The following NXPH1 variants were observed in gnomAD, a reference collection of about 807,000 sequenced individuals.
NXPH1 encodes neurexophilin 1, also known as neurexophilin-1.
Under a neutral mutation model 23.7 loss-of-function variants are expected in NXPH1, and 5 were observed. The observed-to-expected ratio is 0.21, with a 90% confidence interval of 0.11 to 0.44. The LOEUF (loss-of-function observed/expected upper bound fraction) is 0.44. Ranked by LOEUF, NXPH1 falls within the 20% of genes least tolerant of loss-of-function variation. The probability of loss-of-function intolerance (pLI) is 0.99; values close to 1 mark genes in which losing one functional copy is unlikely to be tolerated. For synonymous variants in NXPH1, 144 were observed against 122.2 expected (o/e 1.18, Z -1.18); for missense variants, 324 against 321.6 (o/e 1.01, Z -0.06).
chr7:8,486,263 C>A (rs762809082), intron 2 of NXPH1, among the ~76,000 whole-genome samples: 4 of 152,088 alleles, frequency 2.6e-5, no homozygotes, highest in Admixed American at 1.3e-4. Flanking sequence ...GTAGGAAGAC[C>A]TAGAGGAGTA....
chr7:8,732,489 G>A (rs1310545173), intron 2 of NXPH1, among the ~76,000 whole-genome samples: 1 of 152,178 alleles, frequency 6.6e-6, no homozygotes, highest in Non-Finnish European at 1.5e-5. Flanking sequence ...ACTAATTCAG[G>A]TAGAAAGAAG....
intron 2 of NXPH1, among the ~76,000 whole-genome samples, chr7:8,747,394 C>T (rs965699895): frequency 1.3e-5 from 2 of 152,198 alleles, no homozygotes; most frequent in East Asian, 3.8e-4. Flanking sequence ...ATATTCACTA[C>T]TTCCACAAGT....
intron 2 of NXPH1, among the ~76,000 whole-genome samples, chr7:8,608,961 T>A (rs1562424223): frequency 6.6e-6 from 1 of 152,148 alleles, no homozygotes; most frequent in Non-Finnish European, 1.5e-5. Flanking sequence ...ATGTCATTGA[T>A]AGGTTCTTGG....
chr7:8,482,635 T>A (rs559242656), intron 2 of NXPH1, among the ~76,000 whole-genome samples: 2 of 152,300 alleles, frequency 1.3e-5, no homozygotes, highest in East Asian at 3.9e-4. Context: ...CATTTCTCCC[T>A]CCTGTACAAA....
At chr7:8,536,930 T>C (rs1481115360) in intron 2 of NXPH1, among the ~76,000 whole-genome samples, 8 of 151,968 alleles carry the variant, frequency 5.3e-5, no homozygotes, top group Non-Finnish European at 8.8e-5. Context: ...TGGCAAGCCT[T>C]GATGGTGGCC....
intron 2 of NXPH1, among the ~76,000 whole-genome samples, chr7:8,439,275 T>C (rs1034067387): frequency 1.3e-5 from 2 of 152,192 alleles, no homozygotes; most frequent in Non-Finnish European, 2.9e-5. Flanking sequence ...TTCCTTGCTC[T>C]GAAGAGTGGG....
At chr7:8,595,314 G>A (rs192727619) in intron 2 of NXPH1, among the ~76,000 whole-genome samples, 16 of 152,104 alleles carry the variant, frequency 1.1e-4, no homozygotes, top group Admixed American at 9.8e-4. Flanking sequence ...ATTTAAAGAA[G>A]TCATGTAATG....
chr7:8,639,574 A>C (rs1302602689), intron 2 of NXPH1, among the ~76,000 whole-genome samples: 1 of 152,096 alleles, frequency 6.6e-6, no homozygotes, highest in African/African-American at 2.4e-5. Context: ...AGTGAGGCTG[A>C]GCATCTTTTT....
At chr7:8,745,034 G>T (rs1471230919) in intron 2 of NXPH1, among the ~76,000 whole-genome samples, 6 of 152,182 alleles carry the variant, frequency 3.9e-5, no homozygotes, top group Non-Finnish European at 8.8e-5. Context: ...AAAATGAAAT[G>T]TAGTGACTCC....
At chr7:8,625,965 A>C (rs1819978094) in intron 2 of NXPH1, among the ~76,000 whole-genome samples, 1 of 152,136 alleles carries the variant, frequency 6.6e-6, no homozygotes, top group Admixed American at 6.6e-5. Context: ...TCAATTAGTT[A>C]TATAATCTTT....
At chr7:8,470,620 A>G (rs1391202595) in intron 2 of NXPH1, among the ~76,000 whole-genome samples, 2 of 152,186 alleles carry the variant, frequency 1.3e-5, no homozygotes, top group Admixed American at 1.3e-4. Flanking sequence ...TCAGACCTTT[A>G]CTGGAAGTTC....
At chr7:8,708,871 A>G (rs966616448) in intron 2 of NXPH1, among the ~76,000 whole-genome samples, 1 of 152,116 alleles carries the variant, frequency 6.6e-6, no homozygotes, top group Admixed American at 6.5e-5. Flanking sequence ...TGCCGACAAT[A>G]CCCAAGAGCT....
chr7:8,677,391 G>A (rs1820967174), intron 2 of NXPH1, among the ~76,000 whole-genome samples: 1 of 152,188 alleles, frequency 6.6e-6, no homozygotes, highest in Non-Finnish European at 1.5e-5. Flanking sequence ...GTATTTAGAA[G>A]TGCATTTAAG....
At chr7:8,482,799 G>A (rs1462923854) in intron 2 of NXPH1, among the ~76,000 whole-genome samples, 3 of 152,200 alleles carry the variant, frequency 2.0e-5, no homozygotes, top group Non-Finnish European at 4.4e-5. Flanking sequence ...TGGCCCAAGA[G>A]ACTGATAAGC....
intron 2 of NXPH1, among the ~76,000 whole-genome samples, chr7:8,701,919 T>C (rs1046919534): frequency 1.3e-5 from 2 of 152,052 alleles, no homozygotes; most frequent in African/African-American, 2.4e-5. Flanking sequence ...GATAAGCATC[T>C]AGAACAGTCT....
intron 2 of NXPH1, among the ~76,000 whole-genome samples, chr7:8,743,119 T>G (rs1223009190): frequency 6.6e-6 from 1 of 152,176 alleles, no homozygotes; most frequent in Non-Finnish European, 1.5e-5. Flanking sequence ...GAAGTTGTAA[T>G]CATAGAGCAA....
intron 2 of NXPH1, among the ~76,000 whole-genome samples, chr7:8,674,660 G>A (rs1820920280): frequency 6.6e-6 from 1 of 152,124 alleles, no homozygotes; most frequent in South Asian, 2.1e-4. Context: ...CTGATCAATA[G>A]ACAGACTGGA....
intron 2 of NXPH1, among the ~76,000 whole-genome samples, chr7:8,644,453 G>T (rs79664878): frequency 0.048 from 7,376 of 152,152 alleles, 390 homozygotes; most frequent in East Asian, 0.17. Context: ...TTTCACTGTA[G>T]TTTCTCTCAG....
intron 2 of NXPH1, among the ~76,000 whole-genome samples, chr7:8,536,722 C>G (rs986053916): frequency 2.0e-5 from 3 of 151,838 alleles, no homozygotes; most frequent in Non-Finnish European, 2.9e-5. Context: ...GTTTAGAAAT[C>G]TATATTAATA....
Sources: gnomAD v4.1 joint callset for allele counts (sites outside exome capture counted in the v4.1 genomes callset) on GRCh38, gnomAD v4.1.1 for gene constraint, MANE v1.5 for transcripts, NCBI Gene and HGNC (gene_info 2026-07-23, HGNC 2026-07-21) for gene names.